ABCA1: variants seen among roughly 807,000 people sequenced by gnomAD.
ABCA1 encodes the protein phospholipid-transporting ATPase ABCA1.
ABCA1 carries 133 observed loss-of-function variants against 262.5 expected under a neutral mutation model. The observed-to-expected ratio is 0.51, with a 90% CI of 0.44 to 0.59. The LOEUF (loss-of-function observed/expected upper bound fraction) is 0.59, where lower values mean the gene tolerates loss of function less well. Among genes scored for constraint, ABCA1 ranks in the 20% least tolerant of loss-of-function variants. ABCA1 has a pLI of 0.00. For missense variants in ABCA1, 2,452 were observed against 2,777.5 expected (o/e 0.88, Z 2.63); for synonymous variants, 1,022 against 1,043.5 (o/e 0.98, Z 0.40).
chr9:104,818,867 G>C lies in ABCA1; in HGVS notation c.3258C>G (p.Leu1086=), dbSNP rs375639361. 5.6e-6 allele frequency: 9 copies of C among 1,613,454 alleles called. No homozygotes were observed. The African/African-American group carries it at 9.3e-5, about 17-fold the overall frequency. ...LKYRQGRTII[L]STHHMDEADV... ...CCGCTTCATCCATGTGGTGTGTAGA[G>C]AGAATAATGGTGCGGCCTGCCAGGC... Residue 1086 remains leucine, a synonymous_variant, in exon 23 of 50, where the codon CTC becomes CTG. Transcript: ENST00000374736.
chr9:104,885,700 A>G (rs1315513392), intron 3 of ABCA1, among the ~76,000 whole-genome samples: 1 of 152,176 alleles, frequency 6.6e-6, no homozygotes. Flanking sequence ...TGCGGCCGTA[A>G]TACATGGATG....
intron 22 of ABCA1, among the ~76,000 whole-genome samples, chr9:104,819,333 G>A (rs190532306): frequency 4.9e-4 from 74 of 152,170 alleles, no homozygotes; most frequent in South Asian, 2.3e-3. Context: ...GCCCCTCTCC[G>A]CTTCCATTCA....
chr9:104,796,783 T>C (rs1829933629), intron 37 of ABCA1, among the ~76,000 whole-genome samples: 1 of 152,196 alleles, frequency 6.6e-6, no homozygotes, highest in East Asian at 1.9e-4. Context: ...GTTTCGTCAT[T>C]AATGCTATAT....
intron 9 of ABCA1, among the ~76,000 whole-genome samples, chr9:104,838,474 G>A (rs188660053): frequency 2.0e-5 from 3 of 150,036 alleles, no homozygotes; most frequent in Admixed American, 2.0e-4. Flanking sequence ...AAAATTAGCT[G>A]GGCATGGTGG....
At chr9:104,837,131 AAGGAGG>A in intron 10 of ABCA1, 35 bp from the exon 11 acceptor site, 5 of 1,529,270 alleles carry the variant, frequency 3.3e-6, no homozygotes, top group Non-Finnish European at 4.5e-6. Context: ...ACCGCAGAAA[AAGGAGG>A]AGAAGCACAG....
At chr9:104,897,692 T>C (rs1445871472) in intron 2 of ABCA1, among the ~76,000 whole-genome samples, 1 of 152,190 alleles carries the variant, frequency 6.6e-6, no homozygotes, top group Non-Finnish European at 1.5e-5. Context: ...AACTTCCACC[T>C]GCCAGGTTCA....
chr9:104,838,633 A>AG (rs1231410799), intron 9 of ABCA1, among the ~76,000 whole-genome samples: 1 of 151,440 alleles, frequency 6.6e-6, no homozygotes, highest in East Asian at 1.9e-4. Flanking sequence ...AAAAAAAAAA[A>AG]TTCTCTTTAA....
At chr9:104,873,986 T>C (rs1459257760) in intron 5 of ABCA1, among the ~76,000 whole-genome samples, 1 of 152,176 alleles carries the variant, frequency 6.6e-6, no homozygotes, top group Non-Finnish European at 1.5e-5. Flanking sequence ...ATTTACAAGA[T>C]GTTAATTTTC....
At chr9:104,893,421 C>CAAAAAAAAAAAAAAAA (rs34544647) in intron 2 of ABCA1, among the ~76,000 whole-genome samples, 33 of 35,258 alleles carry the variant, frequency 9.4e-4, no homozygotes, top group South Asian at 2.3e-3. Context: ...GACTTCACCT[C>CAAAAAAAAAAAAAAAA]AAAAAAAAAA....
rs1474888171 is a variant in ABCA1, at chr9:104,782,678, A to C, written c.*1637T>G. ...GAGATGAAAAATTTGAGACTGTCAG[A>C]TTTAATGGGGTATCCAATATCTGCA... On this transcript the variant is annotated 3_prime_UTR_variant, in exon 50 of 50. Coordinates refer to ENST00000374736, the MANE Select transcript of ABCA1 (RefSeq NM_005502.4). The C allele has an allele frequency of 6.6e-6, 1 of 152,182 alleles. No homozygotes were observed. The highest frequency in any genetic ancestry group is 1.5e-5 in the Non-Finnish European group (1 of 68,018). 9.4% of individuals were successfully genotyped at this position (152,182 alleles called of 1,614,324 possible). A position where few individuals can be genotyped will look rare whatever the true frequency, so the allele number is the denominator to read the frequency against.
intron 3 of ABCA1, among the ~76,000 whole-genome samples, chr9:104,887,253 G>C (rs1251102297): frequency 6.6e-6 from 1 of 151,924 alleles, no homozygotes; most frequent in Non-Finnish European, 1.5e-5. Flanking sequence ...ACTCCAGTCT[G>C]GGCAACAGAG....
rs2234885 is a variant in ABCA1 at position 104,816,120 on chromosome 9, C to T, written c.3738+23G>A. On this transcript the variant is annotated intron_variant, in intron 25 of 49. Transcript: ENST00000374736. ...GGACATTTGGCCTTGCTATATATTCCGACAGTCAGCCACTTAACTTACTTC... is the reference window on the plus strand; with the variant it reads ...GGACATTTGGCCTTGCTATATATTCTGACAGTCAGCCACTTAACTTACTTC... 0.023 allele frequency: 36,668 copies of T among 1,613,720 alleles called. 914 individuals are homozygous for T. Among genetic ancestry groups the T allele is most frequent in the African/African-American group, 0.13 (9,451 of 74,980 alleles).
chr9:104,854,680 C>CTGT (rs1835680140), intron 7 of ABCA1, among the ~76,000 whole-genome samples: 4 of 152,182 alleles, frequency 2.6e-5, no homozygotes, highest in Non-Finnish European at 5.9e-5. Context: ...GCAAAATACA[C>CTGT]CTTGCTGAGC....
chr9:104,893,660 T>C (rs1839966511), intron 2 of ABCA1, among the ~76,000 whole-genome samples: 1 of 152,058 alleles, frequency 6.6e-6, no homozygotes, highest in South Asian at 2.1e-4. Context: ...CCCTGTGAGA[T>C]AGGAAACATT....
chr9:104,786,665 T>C (rs1360292209), intron 47 of ABCA1, among the ~76,000 whole-genome samples: 1 of 152,246 alleles, frequency 6.6e-6, no homozygotes, highest in Non-Finnish European at 1.5e-5. Context: ...ATGCACTGAC[T>C]TGGAATAATG....
chr9:104,832,752 T>G lies in ABCA1; in HGVS notation c.1331A>C (p.Asp444Ala), dbSNP rs779868896. 21 of 1,614,230 alleles carry G rather than the reference T, an allele frequency of 1.3e-5. No individual in the cohort carries two copies. The South Asian group carries it at 2.3e-4, about 18-fold the overall frequency. The change falls in exon 12 of 50, where the codon GAC (aspartate) becomes GCC (alanine). Residue 444 changes from aspartate (D) to alanine (A), a missense_variant. Asp to Ala is a moderately radical substitution (Grantham distance 126). Coordinates refer to ENST00000374736, the MANE Select transcript of ABCA1 (RefSeq NM_005502.4). ...DLVRMLLDSR[D>A]NDHFWEQQLD... Reference sequence around the variant, plus strand: ...CTGCTGTTCCCAAAAGTGGTCATTGTCCCTGCTGTCCAACAGCATCTGCCA... The same window carrying G: ...CTGCTGTTCCCAAAAGTGGTCATTGGCCCTGCTGTCCAACAGCATCTGCCA...
At chr9:104,869,295 T>A (rs1837379442) in intron 5 of ABCA1, among the ~76,000 whole-genome samples, 1 of 151,300 alleles carries the variant, frequency 6.6e-6, no homozygotes, top group Non-Finnish European at 1.5e-5. Context: ...CAGATGGTCT[T>A]CTTCAATGGA....
intron 5 of ABCA1, among the ~76,000 whole-genome samples, chr9:104,874,028 A>T (rs1837878751): frequency 6.6e-6 from 1 of 152,166 alleles, no homozygotes; most frequent in Non-Finnish European, 1.5e-5. Context: ...TGCCACAGCC[A>T]ACTATCTTGC....
At chr9:104,814,522 G>A in intron 25 of ABCA1, 47 bp from the exon 26 acceptor site, 1 of 1,567,512 alleles carries the variant, frequency 6.4e-7, no homozygotes, top group Non-Finnish European at 8.8e-7. Context: ...AACATTACGA[G>A]AGTAGTCACC....
Sources: allele counts gnomAD v4.1 joint callset (sites outside exome capture counted in the v4.1 genomes callset), GRCh38; gene constraint gnomAD v4.1.1; transcripts MANE v1.5; gene names NCBI Gene and HGNC (gene_info 2026-07-23, HGNC 2026-07-21).